Variants in PALLD observed in about 807,000 individuals in gnomAD.
The protein encoded by PALLD is palladin.
PALLD carries 61 observed loss-of-function variants against 123.5 expected under a neutral mutation model. The observed-to-expected ratio is 0.49, with a 90% CI of 0.40 to 0.61. The LOEUF (loss-of-function observed/expected upper bound fraction) is 0.61. PALLD is among the 20% of genes least tolerant of loss of function. The pLI, the probability that PALLD is intolerant of heterozygous loss-of-function variation, is 0.00. For synonymous variants in PALLD, 465 were observed against 496.4 expected (o/e 0.94, Z 0.84); for missense variants, 1,273 against 1,377.0 (o/e 0.92, Z 1.20).
chr4:168,867,041 A>C (rs977312367), intron 10 of PALLD, among the ~76,000 whole-genome samples: 6 of 152,220 alleles, frequency 3.9e-5, no homozygotes. Context: ...CGTCATGGTC[A>C]TGAGCCAGAG....
chr4:168,615,246 T>G (rs1774113074), intron 2 of PALLD, among the ~76,000 whole-genome samples: 1 of 152,150 alleles, frequency 6.6e-6, no homozygotes, highest in Non-Finnish European at 1.5e-5. Flanking sequence ...CATGCTTCAG[T>G]TTCACACACT....
intron 2 of PALLD, chr4:168,530,839 C>T (rs1764532881): frequency 1.3e-5 from 2 of 152,204 alleles, no homozygotes; most frequent in Admixed American, 6.5e-5. Context: ...ATGACCACTA[C>T]TCACCTCTCT....
intron 10 of PALLD, among the ~76,000 whole-genome samples, chr4:168,842,559 T>C (rs964707807): frequency 2.0e-5 from 3 of 152,236 alleles, no homozygotes; most frequent in Non-Finnish European, 2.9e-5. Flanking sequence ...TCCAAGTCTA[T>C]CTTCTGATGG....
intron 10 of PALLD, among the ~76,000 whole-genome samples, chr4:168,793,846 C>A (rs572179203): frequency 6.6e-6 from 1 of 152,148 alleles, no homozygotes; most frequent in African/African-American, 2.4e-5. Flanking sequence ...GTCTTCCCAT[C>A]AGAAACAGAT....
chr4:168,743,878 A>G (rs1023992322), intron 10 of PALLD, among the ~76,000 whole-genome samples: 46 of 152,270 alleles, frequency 3.0e-4, no homozygotes, highest in African/African-American at 1.1e-3. Flanking sequence ...TTTCCAAAAC[A>G]AGCACAAGAT....
At chr4:168,828,401 T>TG (rs1743719582) in intron 10 of PALLD, among the ~76,000 whole-genome samples, 2 of 152,246 alleles carry the variant, frequency 1.3e-5, no homozygotes, top group Non-Finnish European at 2.9e-5. Flanking sequence ...TTACTTGGTT[T>TG]GCTAATCATA....
intron 10 of PALLD, among the ~76,000 whole-genome samples, chr4:168,866,726 G>T (rs1233611563): frequency 6.6e-6 from 1 of 152,118 alleles, no homozygotes; most frequent in African/African-American, 2.4e-5. Flanking sequence ...GCTCCTCCAG[G>T]TTGCTTTGTA....
At chr4:168,536,965 CT>C (rs1765161431) in intron 2 of PALLD, among the ~76,000 whole-genome samples, 1 of 151,894 alleles carries the variant, frequency 6.6e-6, no homozygotes, top group Admixed American at 6.6e-5. Context: ...GTAGCTGGGA[CT>C]ATAGGCGCCT....
intron 10 of PALLD, among the ~76,000 whole-genome samples, chr4:168,855,371 G>C (rs938864582): frequency 6.6e-6 from 1 of 152,214 alleles, no homozygotes; most frequent in Non-Finnish European, 1.5e-5. Context: ...TTACAGGTGT[G>C]AGCCACCTCG....
chr4:168,914,858 C>T (rs1234147341), intron 16 of PALLD, among the ~76,000 whole-genome samples: 1 of 152,172 alleles, frequency 6.6e-6, no homozygotes, highest in Non-Finnish European at 1.5e-5. Context: ...TGCATCCACA[C>T]AGACTTTTGT....
chr4:168,705,518 C>A (rs555927375), intron 8 of PALLD, among the ~76,000 whole-genome samples: 1 of 152,250 alleles, frequency 6.6e-6, no homozygotes, highest in Admixed American at 6.5e-5. Flanking sequence ...AATTAGGAAC[C>A]GTTTGTTCTT....
At position 168,511,702 on chromosome 4, in the gene PALLD, G is replaced by T; in HGVS notation, c.198G>T (p.Gln66His). Residue 66 changes from glutamine (Q) to histidine (H), a missense_variant, in exon 2 of 22, where the codon CAG (glutamine) becomes CAT (histidine). Around this residue, in one of 2 missense-constraint regions of PALLD, gnomAD observed 944 missense variants for 954.5 expected, o/e 0.99. Coordinates refer to ENST00000505667, the MANE Select transcript of PALLD (RefSeq NM_001166108.2). ...EDFDSEKEIS[Q>H]IFSTSPASLC... is the part of the protein sequence containing the mutation. ...TTGACTCGGAAAAGGAGATCTCGCA[G>T]ATTTTCAGTACTTCTCCTGCAAGCC... is the stretch of plus-strand genomic sequence containing the variant. The T allele has an allele frequency of 6.2e-7, 1 of 1,614,186 alleles. No individual in the cohort carries two copies. The highest frequency in any genetic ancestry group is 8.5e-7 in the Non-Finnish European group (1 of 1,180,030).
chr4:168,898,838 G>C, intron 14 of PALLD, 124 bp downstream of exon 14: 1 of 748,294 alleles, frequency 1.3e-6, no homozygotes, highest in Non-Finnish European at 2.3e-6. Context: ...CGATATAAAG[G>C]GTTTTAAATA....
intron 6 of PALLD, among the ~76,000 whole-genome samples, chr4:168,688,408 A>G (rs952818360): frequency 6.6e-6 from 1 of 152,174 alleles, no homozygotes; most frequent in African/African-American, 2.4e-5. Context: ...GGTAGCATGG[A>G]CGTACATGTG....
At chr4:168,533,602 G>A (rs1245846233) in intron 2 of PALLD, among the ~76,000 whole-genome samples, 1 of 152,192 alleles carries the variant, frequency 6.6e-6, no homozygotes, top group Non-Finnish European at 1.5e-5. Flanking sequence ...ACGGACTTGA[G>A]TCTGAGGTAT....
At chr4:168,553,212 T>A (rs559229313) in intron 2 of PALLD, among the ~76,000 whole-genome samples, 1 of 151,144 alleles carries the variant, frequency 6.6e-6, no homozygotes, top group Admixed American at 6.6e-5. Context: ...TTCTTTACTG[T>A]CCCCATATGT....
chr4:168,683,417 T>G (rs1458096208), intron 5 of PALLD, among the ~76,000 whole-genome samples: 3 of 152,220 alleles, frequency 2.0e-5, no homozygotes, highest in Admixed American at 1.3e-4. Flanking sequence ...CTCACATGTG[T>G]ATGCTCTTTC....
chr4:168,743,350 T>G (rs1788550242), intron 10 of PALLD, among the ~76,000 whole-genome samples: 1 of 152,276 alleles, frequency 6.6e-6, no homozygotes, highest in African/African-American at 2.4e-5. Context: ...TCAATCATGG[T>G]TTAATCCCCA....
intron 10 of PALLD, among the ~76,000 whole-genome samples, chr4:168,761,960 C>CA (rs1367397645): frequency 6.6e-6 from 1 of 151,984 alleles, no homozygotes; most frequent in Admixed American, 6.6e-5. Flanking sequence ...TCTCCAAACT[C>CA]AGTCTTATTT....
Sources: gnomAD v4.1 joint callset for allele counts (sites outside exome capture counted in the v4.1 genomes callset) on GRCh38, gnomAD v4.1.1 for gene constraint, gnomAD v4.1.1 regional missense constraint, MANE v1.5 for transcripts, NCBI Gene and HGNC (gene_info 2026-07-23, HGNC 2026-07-21) for gene names.